Variants in SLCO1B3 observed in about 807,000 individuals in gnomAD.
SLCO1B3 encodes liver-specific organic anion transporter 2.
Under a neutral mutation model 71.8 loss-of-function variants are expected in SLCO1B3, and 72 were observed. That is an observed-to-expected ratio of 1.00 (90% CI 0.83 to 1.22). SLCO1B3 has a LOEUF of 1.22. SLCO1B3 is among the 50% of genes most tolerant of loss of function. The probability of loss-of-function intolerance (pLI) is 0.00; values close to 1 mark genes in which losing one functional copy is unlikely to be tolerated. For missense variants in SLCO1B3, 911 were observed against 819.7 expected, an observed-to-expected ratio of 1.11 and a Z score of -1.36; for synonymous variants, 298 against 278.4, an observed-to-expected ratio of 1.07 and a Z score of -0.70.
chr12:20,858,373 GCAT>G (rs1369933726), intron 4 of SLCO1B3, 63 bp from the exon 5 acceptor site: 87 of 1,138,834 alleles, frequency 7.6e-5, no homozygotes, highest in Middle Eastern at 2.8e-4. Context: ...TTCATTTGGG[GCAT>G]TCAGTTCTAC....
At chr12:20,843,908 A>G (rs1039584892) in intron 3 of SLCO1B3, among the ~76,000 whole-genome samples, 3 of 150,502 alleles carry the variant, frequency 2.0e-5, no homozygotes, top group Non-Finnish European at 3.0e-5. Context: ...AACTTTCTCC[A>G]TATATATGTG....
chr12:20,891,133 G>A (rs1039458531), intron 13 of SLCO1B3, among the ~76,000 whole-genome samples: 7 of 152,016 alleles, frequency 4.6e-5, no homozygotes, highest in Non-Finnish European at 8.8e-5. Context: ...TATACTTTGT[G>A]TGTTTCCATA....
At chr12:20,814,836 A>G (rs1864162661) in intron 2 of SLCO1B3, among the ~76,000 whole-genome samples, 1 of 151,860 alleles carries the variant, frequency 6.6e-6, no homozygotes, top group African/African-American at 2.4e-5. Context: ...GGCAGAGCTT[A>G]CAGTGAGCCG....
chr12:20,879,854 G>A (rs1355303576), intron 11 of SLCO1B3, among the ~76,000 whole-genome samples: 1 of 151,932 alleles, frequency 6.6e-6, no homozygotes, highest in Non-Finnish European at 1.5e-5. Context: ...TAATACCTAT[G>A]ATTTCTGGGT....
chr12:20,828,284 TTGTAAGAACTATTTTAGTAAAAA>T (rs374437514), intron 3 of SLCO1B3, among the ~76,000 whole-genome samples: 122 of 137,304 alleles, frequency 8.9e-4, no homozygotes, highest in African/African-American at 3.2e-3. Flanking sequence ...ATAGCACCTG[TTGTAAGAACTATTTTAGTAAAAA>T]AAAAAAAAAA....
At chr12:20,869,111 A>C (rs1865428964) in intron 8 of SLCO1B3, among the ~76,000 whole-genome samples, 1 of 152,124 alleles carries the variant, frequency 6.6e-6, no homozygotes, top group Admixed American at 6.5e-5. Context: ...GAGGTGGAGG[A>C]GCAGAGTCTT....
intron 13 of SLCO1B3, among the ~76,000 whole-genome samples, chr12:20,883,918 C>T (rs955004677): frequency 5.3e-5 from 8 of 152,042 alleles, no homozygotes; most frequent in African/African-American, 1.4e-4. Flanking sequence ...TTTTGAGTTG[C>T]GTTGCATCCT....
chr12:20,874,497 C>A (rs1427061816), intron 8 of SLCO1B3, among the ~76,000 whole-genome samples: 1 of 152,156 alleles, frequency 6.6e-6, no homozygotes. Flanking sequence ...ATTCTGGTAT[C>A]TTGCTGATAT....
At chr12:20,846,213 T>G (rs893097124) in intron 3 of SLCO1B3, among the ~76,000 whole-genome samples, 1 of 152,222 alleles carries the variant, frequency 6.6e-6, no homozygotes, top group Non-Finnish European at 1.5e-5. Context: ...GAATAGTTCT[T>G]TCAAAATTCT....
chr12:20,879,027 G>T (rs1029555389), intron 10 of SLCO1B3, among the ~76,000 whole-genome samples: 3 of 151,914 alleles, frequency 2.0e-5, no homozygotes, highest in Admixed American at 2.0e-4. Flanking sequence ...GTTGTTGATT[G>T]CCAGAAAAAA....
chr12:20,852,317 T>TA lies in SLCO1B3; in HGVS notation c.85-2703dup, dbSNP rs201138526. On this transcript the variant is annotated intron_variant, in intron 3 of 15. Coordinates refer to ENST00000381545, the MANE Select transcript of SLCO1B3 (RefSeq NM_019844.4). ...GCAACACAGCAAGATGCCACATCTT[T>TA]AAAAAAAAGTAATTAGTTAGGCATA... Among the ~76,000 whole-genome samples the TA allele has an allele frequency of 6.8e-3, 1,031 of 151,736 alleles. 14 individuals carry two copies. Among genetic ancestry groups the TA allele is most frequent in the African/African-American group, 0.023 (967 of 41,376 alleles).
chr12:20,880,468 C>T (rs1865666801), intron 11 of SLCO1B3, among the ~76,000 whole-genome samples: 1 of 151,796 alleles, frequency 6.6e-6, no homozygotes, highest in South Asian at 2.1e-4. Context: ...CCATTACCTC[C>T]CTGAAGAGAA....
intron 12 of SLCO1B3, 35 bp downstream of exon 12, chr12:20,881,055 A>C (rs779729919): frequency 7.0e-7 from 1 of 1,426,232 alleles, no homozygotes; most frequent in Non-Finnish European, 9.6e-7. Flanking sequence ...TCCTCTCCTT[A>C]ATCAAAATCA....
At position 20,881,316 on chromosome 12, in the gene SLCO1B3, C is replaced by G. The variant is rs189324902; in HGVS notation, c.1497+296C>G. On this transcript the variant is annotated intron_variant, in intron 12 of 15. Coordinates refer to ENST00000381545, the MANE Select transcript of SLCO1B3 (RefSeq NM_019844.4). ...TAGAATTTGAATGCATTTAGGGTCT[C>G]TAAGAAGCATCTCATTTGACTAAAG... 1.3e-5 allele frequency among the ~76,000 whole-genome samples: 2 copies of G among 152,150 alleles called. 1 individual carries two copies. Among genetic ancestry groups the G allele is most frequent in the East Asian group, 3.9e-4 (2 of 5,162 alleles).
intron 3 of SLCO1B3, among the ~76,000 whole-genome samples, chr12:20,853,213 C>G (rs1244466845): frequency 6.6e-6 from 1 of 151,912 alleles, no homozygotes; most frequent in African/African-American, 2.4e-5. Context: ...GAATATTTTT[C>G]TGTAGTTTTC....
Position 20,916,183 on chromosome 12 carries a change from C to T in SLCO1B3, c.2045C>T (p.Pro682Leu), listed in dbSNP as rs761123903. The T allele has an allele frequency of 1.2e-6, 2 of 1,611,274 alleles. No homozygotes were observed. The highest frequency in any genetic ancestry group is 1.7e-5 in the Admixed American group (1 of 60,006). The part of the protein sequence containing the change: ...EFLNNGEHFV[P>L]SAGTDSKTCN... ...TTAAATAATGGTGAACATTTTGTACCTTCTGCTGGAACAGATAGTAAAACA... is the reference window on the plus strand; with the variant it reads ...TTAAATAATGGTGAACATTTTGTACTTTCTGCTGGAACAGATAGTAAAACA... The change falls in exon 16 of 16, where the codon CCT becomes CTT. Residue 682 changes from proline (P) to leucine (L), a missense_variant. Physicochemically the swap from Pro to Leu is moderately conservative, Grantham distance 98. Transcript: ENST00000381545.
chr12:20,887,342 T>C (rs117071055), intron 13 of SLCO1B3, among the ~76,000 whole-genome samples: 2,929 of 152,222 alleles, frequency 0.019, 45 homozygotes, highest in Non-Finnish European at 0.03. Flanking sequence ...ACCAACAGTG[T>C]ATAAACATTC....
At chr12:20,896,827 A>G (rs1866017120) in intron 13 of SLCO1B3, among the ~76,000 whole-genome samples, 1 of 152,204 alleles carries the variant, frequency 6.6e-6, no homozygotes, top group Non-Finnish European at 1.5e-5. Context: ...TTTACAAAAG[A>G]AAGAGGTTTA....
chr12:20,832,247 A>T (rs936283071), intron 3 of SLCO1B3, among the ~76,000 whole-genome samples: 1 of 152,350 alleles, frequency 6.6e-6, no homozygotes, highest in Non-Finnish European at 1.5e-5. Flanking sequence ...TGAGTTGCAT[A>T]TACAGACTCA....
Sources: allele counts gnomAD v4.1 joint callset (sites outside exome capture counted in the v4.1 genomes callset), GRCh38; gene constraint gnomAD v4.1.1; transcripts MANE v1.5; gene names NCBI Gene and HGNC (gene_info 2026-07-23, HGNC 2026-07-21).